CDIN1: variants seen among roughly 807,000 people sequenced by gnomAD.
CDIN1 encodes CDAN1 interacting nuclease 1.
In CDIN1, 33 loss-of-function variants were observed where a neutral mutation model predicts 45.3. That is an observed-to-expected ratio of 0.73 (90% CI 0.55 to 0.97). The LOEUF (loss-of-function observed/expected upper bound fraction) is 0.97. CDIN1 is among the 50% of genes least tolerant of loss of function. CDIN1 has a pLI of 0.00. For missense variants in CDIN1, 303 were observed against 339.4 expected (o/e 0.89, Z 0.84); for synonymous variants, 118 against 124.4 (o/e 0.95, Z 0.34).
Position 36,654,155 on chromosome 15 carries a change from T to A in CDIN1, c.270T>A (p.Asn90Lys). 1 of 1,567,566 alleles carries A rather than the reference T, an allele frequency of 6.4e-7. No homozygotes were observed. The highest frequency in any genetic ancestry group is 8.7e-7 in the Non-Finnish European group (1 of 1,153,878). Residue 90 changes from asparagine to lysine, a missense_variant, in exon 4 of 11, where the codon AAT becomes AAA. Coordinates refer to ENST00000566621, the MANE Select transcript of CDIN1 (RefSeq NM_001321759.2). ...GAAPVLLDLA[N>K]EVDYAPSLMA... is the part of the protein sequence containing the mutation. ...CCCCAGTGCTCCTGGACCTGGCCAATGAGGTAATGTTATTGTTATGATTTT... is the reference window on the plus strand; with the variant it reads ...CCCCAGTGCTCCTGGACCTGGCCAAAGAGGTAATGTTATTGTTATGATTTT...
At chr15:36,744,694 T>A (rs1264770148) in intron 10 of CDIN1, among the ~76,000 whole-genome samples, 1 of 152,214 alleles carries the variant, frequency 6.6e-6, no homozygotes, top group Non-Finnish European at 1.5e-5. Flanking sequence ...AATGTTTGAG[T>A]TGAATCTCAT....
intron 10 of CDIN1, among the ~76,000 whole-genome samples, chr15:36,764,062 GGGAATCAGTTTGACCTCACACTCAGAGT>G (rs1414307261): frequency 6.6e-6 from 1 of 152,148 alleles, no homozygotes; most frequent in Non-Finnish European, 1.5e-5. Flanking sequence ...GGGTGGAGGA[GGGAATCAGTTTGACCTCACACTCAGAGT>G]GAAGTATCTA....
intron 10 of CDIN1, among the ~76,000 whole-genome samples, chr15:36,801,762 C>T (rs1292164027): frequency 6.6e-6 from 1 of 152,194 alleles, no homozygotes; most frequent in Non-Finnish European, 1.5e-5. Flanking sequence ...CTTACTTCCA[C>T]CTGTTTGTCA....
chr15:36,782,933 C>T (rs1314902407), intron 10 of CDIN1, among the ~76,000 whole-genome samples: 1 of 152,128 alleles, frequency 6.6e-6, no homozygotes, highest in East Asian at 1.9e-4. Context: ...AAAAACATGC[C>T]ATTGTGTCAG....
intron 3 of CDIN1, among the ~76,000 whole-genome samples, chr15:36,647,023 CTT>C (rs11433757): frequency 2.5e-5 from 3 of 122,284 alleles, no homozygotes; most frequent in Admixed American, 9.1e-5. Context: ...AAATAAATAT[CTT>C]TTTTTTTTTT....
rs553641756 is a variant in CDIN1, at chr15:36,797,514, T to C, written c.717-10810T>C. On this transcript the variant is annotated intron_variant, in intron 10 of 10. Transcript: ENST00000566621. The stretch of plus-strand genomic sequence containing the variant: ...CACTTTAACCATCAGTAGTGTTACT[T>C]ACAGGGACTAGTACTCTTGGTTTCT... Among the ~76,000 whole-genome samples, 65 of 152,310 alleles carry C rather than the reference T, an allele frequency of 4.3e-4. No individual in the cohort carries two copies. In the South Asian group the frequency reaches 0.013, roughly 30 times the overall value.
chr15:36,690,677 G>A (rs1012013541), intron 5 of CDIN1, among the ~76,000 whole-genome samples: 1 of 152,178 alleles, frequency 6.6e-6, no homozygotes, highest in African/African-American at 2.4e-5. Context: ...CTTGAATGAT[G>A]ATAATTAGAT....
intron 1 of CDIN1, among the ~76,000 whole-genome samples, chr15:36,586,521 G>T (rs1595706309): frequency 6.6e-6 from 1 of 152,118 alleles, no homozygotes; most frequent in Admixed American, 6.5e-5. Context: ...TTAGCATGTG[G>T]TCTATAATAG....
intron 10 of CDIN1, among the ~76,000 whole-genome samples, chr15:36,797,979 C>CAAAAAA (rs570630838): frequency 1.8e-4 from 10 of 55,264 alleles, no homozygotes; most frequent in East Asian, 1.2e-3. Flanking sequence ...GACTCCATCT[C>CAAAAAA]AAAAAAAAAA....
At chr15:36,693,914 GT>G (rs1566906577) in intron 7 of CDIN1, among the ~76,000 whole-genome samples, 1 of 152,042 alleles carries the variant, frequency 6.6e-6, no homozygotes, top group Non-Finnish European at 1.5e-5. Flanking sequence ...TTTTTTGGTT[GT>G]GTTATTGCCA....
At chr15:36,616,302 G>A (rs2038884084) in intron 1 of CDIN1, among the ~76,000 whole-genome samples, 1 of 146,514 alleles carries the variant, frequency 6.8e-6, no homozygotes, top group Non-Finnish European at 1.5e-5. Flanking sequence ...TTTTTTTTGA[G>A]ACAGACTTTC....
intron 10 of CDIN1, among the ~76,000 whole-genome samples, chr15:36,718,357 A>G (rs1391929568): frequency 2.0e-5 from 3 of 152,092 alleles, no homozygotes; most frequent in Non-Finnish European, 4.4e-5. Context: ...TTTTTACCAT[A>G]TGAATTTTAG....
chr15:36,654,523 A>AC lies in CDIN1; in HGVS notation c.273+365_273+366insC, dbSNP rs1410826279. Among the ~76,000 whole-genome samples the AC allele has an allele frequency of 3.5e-3, 524 of 151,858 alleles. 4 individuals are homozygous for AC. Among genetic ancestry groups the AC allele is most frequent in the African/African-American group, 0.012 (493 of 41,452 alleles). ...TAAAGAGATGGATGCCAAAAAAAAAAAAAAAAAAACTGCTGTTATAAAAAT... is the reference window on the plus strand; with the variant it reads ...TAAAGAGATGGATGCCAAAAAAAAAACAAAAAAAAACTGCTGTTATAAAAAT... On this transcript the variant is annotated intron_variant, in intron 4 of 10. Transcript: ENST00000566621.
intron 10 of CDIN1, among the ~76,000 whole-genome samples, chr15:36,808,045 G>T (rs962039111): frequency 3.3e-5 from 5 of 152,104 alleles, no homozygotes; most frequent in African/African-American, 1.2e-4. Flanking sequence ...ATCAGCCCAA[G>T]CTCATAACAC....
chr15:36,618,778 A>AT (rs1387180078), intron 1 of CDIN1: 1 of 774,744 alleles, frequency 1.3e-6, no homozygotes, highest in Non-Finnish European at 2.4e-6. Context: ...AAAAAAAAAA[A>AT]AAGGATCTAA....
At chr15:36,755,724 C>T (rs1223693242) in intron 10 of CDIN1, among the ~76,000 whole-genome samples, 4 of 151,818 alleles carry the variant, frequency 2.6e-5, no homozygotes, top group African/African-American at 7.3e-5. Flanking sequence ...CAAATAGTTG[C>T]CAAGAGCAAT....
At chr15:36,603,930 A>G (rs926595336) in intron 1 of CDIN1, among the ~76,000 whole-genome samples, 3 of 152,146 alleles carry the variant, frequency 2.0e-5, no homozygotes, top group Admixed American at 2.0e-4. Context: ...TTTTTTGGTA[A>G]TATTTAAATC....
At chr15:36,636,197 A>G (rs2039891080) in intron 1 of CDIN1, among the ~76,000 whole-genome samples, 1 of 152,230 alleles carries the variant, frequency 6.6e-6, no homozygotes, top group South Asian at 2.1e-4. Context: ...TGTCATTACA[A>G]AGAGCCACAA....
chr15:36,807,179 T>C (rs2055256398), intron 10 of CDIN1, among the ~76,000 whole-genome samples: 1 of 152,192 alleles, frequency 6.6e-6, no homozygotes, highest in African/African-American at 2.4e-5. Flanking sequence ...CTTGTCCCTG[T>C]GCATACAGTA....
Sources: gnomAD v4.1 joint callset for allele counts (sites outside exome capture counted in the v4.1 genomes callset) on GRCh38, gnomAD v4.1.1 for gene constraint, MANE v1.5 for transcripts, NCBI Gene and HGNC (gene_info 2026-07-23, HGNC 2026-07-21) for gene names.